Variants in MYO18B observed in about 807,000 individuals in gnomAD.
The protein encoded by MYO18B is myosin XVIIIB, also known as unconventional myosin-XVIIIb.
Under a neutral mutation model 273.0 loss-of-function variants are expected in MYO18B, and 204 were observed. The ratio of observed to expected loss-of-function variants is 0.75; its 90% CI spans 0.67 to 0.84. The LOEUF (loss-of-function observed/expected upper bound fraction) is 0.84, where lower values mean the gene tolerates loss of function less well. Ranked by LOEUF, MYO18B falls within the 40% of genes least tolerant of loss-of-function variation. MYO18B has a pLI of 0.00. For missense variants in MYO18B, 3,212 were observed against 3,287.6 expected (o/e 0.98, Z 0.56); for synonymous variants, 1,330 against 1,305.7 (o/e 1.02, Z -0.40).
At chr22:26,035,035 C>T (rs8136469), downstream of MYO18B, among the ~76,000 whole-genome samples, 13,668 of 152,166 alleles carry the variant, frequency 0.09, 676 homozygotes, top group Middle Eastern at 0.17. Flanking sequence ...CATGTCCCTA[C>T]CACCTGATGT....
chr22:26,052,638 A>C, the MYO18B span, among the ~76,000 whole-genome samples: 9 of 152,168 alleles, frequency 5.9e-5, no homozygotes, highest in Middle Eastern at 3.2e-3. Flanking sequence ...AGAAAGAAAG[A>C]AGAGGAAAAG....
chr22:25,823,356 C>A, intron 12 of MYO18B, 149 bp from the exon 13 acceptor site: 7 of 782,544 alleles, frequency 8.9e-6, no homozygotes, highest in East Asian at 2.8e-5. Context: ...TGCCTAGGGG[C>A]CCAGGCCTGG....
intron 33 of MYO18B, among the ~76,000 whole-genome samples, chr22:25,918,558 A>G (rs759302348): frequency 2.0e-5 from 3 of 152,146 alleles, no homozygotes; most frequent in Non-Finnish European, 4.4e-5. Flanking sequence ...AAATGGGAGG[A>G]TGACTGGTCT....
intron 42 of MYO18B, among the ~76,000 whole-genome samples, chr22:26,008,474 A>G (rs1934617287): frequency 6.6e-6 from 1 of 152,210 alleles, no homozygotes; most frequent in South Asian, 2.1e-4. Context: ...AGGTCACTCT[A>G]AAAACAGAAG....
intron 42 of MYO18B, among the ~76,000 whole-genome samples, chr22:26,020,772 C>T (rs1023452382): frequency 2.0e-5 from 3 of 152,110 alleles, no homozygotes; most frequent in African/African-American, 4.8e-5. Context: ...CACTCTTACA[C>T]CTGTGCAAGT....
chr22:25,819,516 A>G (rs116889854), intron 12 of MYO18B, among the ~76,000 whole-genome samples: 7,252 of 151,722 alleles, frequency 0.048, 246 homozygotes, highest in Middle Eastern at 0.071. Context: ...CCTCTCTCTA[A>G]TATTTGCTTC....
At chr22:25,902,893 C>A in intron 30 of MYO18B, 157 bp downstream of exon 30, 1 of 793,776 alleles carries the variant, frequency 1.3e-6, no homozygotes, top group Non-Finnish European at 1.9e-6. Context: ...AATAAAATAG[C>A]AAATGGTGGC....
At position 25,838,739 on chromosome 22, in the gene MYO18B, A is replaced by G. The variant is rs1009902674; in HGVS notation, c.3208+3296A>G. Among the ~76,000 whole-genome samples the G allele has an allele frequency of 7.9e-5, 12 of 152,132 alleles. No homozygotes were observed. The East Asian group carries it at 9.6e-4, about 12-fold the overall frequency. On this transcript the variant is annotated intron_variant, in intron 17 of 43. Transcript: ENST00000335473. ...ATCTAGGTTGGGGTTAGCATGCCCT[A>G]TGGTATTCCCACAAGGACCGAATCA...
intron 34 of MYO18B, among the ~76,000 whole-genome samples, chr22:25,921,815 A>AGTGT (rs71191088): frequency 0.024 from 3,134 of 130,484 alleles, 92 homozygotes; most frequent in African/African-American, 0.074. Context: ...AAATAGCAAT[A>AGTGT]GTGTGTGTGT....
chr22:26,010,740 A>G lies in MYO18B; in HGVS notation c.6470+5885A>G, dbSNP rs202227379. ...GGCATGGATGCTGACAGGCAGGACC[A>G]GGGAAAACTAGGACTGGGTGCTCCA... is the stretch of plus-strand genomic sequence containing the variant. On this transcript the variant is annotated intron_variant, in intron 42 of 43. Coordinates refer to ENST00000335473, the MANE Select transcript of MYO18B (RefSeq NM_032608.7). Among the ~76,000 whole-genome samples, 7 of 152,268 alleles carry G rather than the reference A, an allele frequency of 4.6e-5. No individual in the cohort carries two copies. In the East Asian group the frequency reaches 1.4e-3, roughly 29 times the overall value.
chr22:26,033,774 TTTTC>T (rs932976569), downstream of MYO18B, among the ~76,000 whole-genome samples: 11 of 141,132 alleles, frequency 7.8e-5, no homozygotes, highest in African/African-American at 3.1e-4. Flanking sequence ...CTCTGTATCT[TTTTC>T]TTTCTTTTTC....
chr22:25,882,248 T>C (rs934813469), intron 25 of MYO18B, among the ~76,000 whole-genome samples: 2 of 152,040 alleles, frequency 1.3e-5, no homozygotes, highest in African/African-American at 4.8e-5. Context: ...AGATAAAGAA[T>C]GGTCAAATAG....
intron 39 of MYO18B, among the ~76,000 whole-genome samples, chr22:25,988,452 A>G (rs550182654): frequency 6.6e-6 from 1 of 152,250 alleles, no homozygotes; most frequent in South Asian, 2.1e-4. Flanking sequence ...GGTGGAAGGT[A>G]GTGGCAGATC....
At chr22:25,912,962 T>C (rs1195701680) in intron 33 of MYO18B, among the ~76,000 whole-genome samples, 1 of 152,220 alleles carries the variant, frequency 6.6e-6, no homozygotes, top group Non-Finnish European at 1.5e-5. Context: ...TTCATTTCAT[T>C]TCTACACAGC....
chr22:25,893,090 A>G (rs2091704779), intron 27 of MYO18B, among the ~76,000 whole-genome samples: 1 of 152,254 alleles, frequency 6.6e-6, no homozygotes, highest in African/African-American at 2.4e-5. Flanking sequence ...AAAGTAATAC[A>G]TACTCATTAT....
At chr22:25,767,495 G>C (rs919328203) in intron 3 of MYO18B, among the ~76,000 whole-genome samples, 8 of 152,192 alleles carry the variant, frequency 5.3e-5, no homozygotes, top group African/African-American at 1.9e-4. Context: ...TGGTCAGGTG[G>C]TATCTGCCTG....
At chr22:25,945,710 TCGC>T (rs2092697152) in intron 34 of MYO18B, among the ~76,000 whole-genome samples, 1 of 17,706 alleles carries the variant, frequency 5.6e-5, no homozygotes, top group African/African-American at 2.8e-4. Flanking sequence ...CCCTCTCCCC[TCGC>T]CTCCCCTCCC....
intron 21 of MYO18B, among the ~76,000 whole-genome samples, chr22:25,858,813 A>G (rs1375212939): frequency 6.6e-6 from 1 of 152,194 alleles, no homozygotes; most frequent in East Asian, 1.9e-4. Flanking sequence ...TCTATGCTCA[A>G]TGCCTGGGAT....
intron 39 of MYO18B, among the ~76,000 whole-genome samples, chr22:25,975,353 T>C (rs1469996224): frequency 6.6e-6 from 1 of 152,208 alleles, no homozygotes; most frequent in Non-Finnish European, 1.5e-5. Context: ...CTTCAACGTC[T>C]TTATGTTCCG....
Sources: allele counts gnomAD v4.1 joint callset (sites outside exome capture counted in the v4.1 genomes callset), GRCh38; gene constraint gnomAD v4.1.1; transcripts MANE v1.5; gene names NCBI Gene and HGNC (gene_info 2026-07-23, HGNC 2026-07-21).